Variants in HLA-E observed in about 807,000 individuals in gnomAD.
HLA-E encodes HLA class I histocompatibility antigen, alpha chain E.
Under a neutral mutation model 43.4 loss-of-function variants are expected in HLA-E, and 25 were observed. The observed-to-expected ratio is 0.58, with a 90% CI of 0.42 to 0.80. The LOEUF (loss-of-function observed/expected upper bound fraction) is 0.80. HLA-E is among the 30% of genes least tolerant of loss of function. HLA-E has a pLI of 0.00. For synonymous variants in HLA-E, 161 were observed against 197.6 expected (o/e 0.81, Z 1.55); for missense variants, 343 against 470.0 (o/e 0.73, Z 2.50).
At position 30,492,913 on chromosome 6, in the gene HLA-E, G is replaced by C. The variant is rs985628693; in HGVS notation, c.*167G>C. ...TGTCCCTGTTAGCACAATGTGAGGA[G>C]GTAGAGAAACAGTCCACCTCTGTGT... On this transcript the variant is annotated 3_prime_UTR_variant, in exon 8 of 8. Coordinates refer to ENST00000376630, the MANE Select transcript of HLA-E (RefSeq NM_005516.6). The surrounding 1 kb of genome is among the most constrained non-coding windows in gnomAD (Gnocchi z 4.5). 8.7e-6 allele frequency: 4 copies of C among 460,206 alleles called. No individual in the cohort carries two copies. The highest frequency in any genetic ancestry group is 6.1e-5 in the African/African-American group (3 of 49,490). 28.5% of individuals were successfully genotyped at this position (460,206 alleles called of 1,614,324 possible). A position where few individuals can be genotyped will look rare whatever the true frequency, so the allele number is the denominator to read the frequency against.
Position 30,492,488 on chromosome 6 carries a change from T to C in HLA-E, c.1036+52T>C, listed in dbSNP as rs184224162. 2.1e-5 allele frequency: 34 copies of C among 1,614,014 alleles called. No individual in the cohort carries two copies. The African/African-American group carries it at 3.9e-4, about 18-fold the overall frequency. On this transcript the variant is annotated intron_variant, in intron 6 of 7. Coordinates refer to ENST00000376630, the MANE Select transcript of HLA-E (RefSeq NM_005516.6). This position sits in a 1 kb window ranked among gnomAD's most constrained non-coding sequence, Gnocchi z 4.5. ...AGCTCGCCCACCCTATAATTCCTCC[T>C]GCACCACATCTCCTGTGGGCTCTGA...
rs1317282863 is a variant in HLA-E, at chr6:30,490,996, C to G, written c.611-141C>G. On this transcript the variant is annotated intron_variant, in intron 3 of 7. Coordinates refer to ENST00000376630, the MANE Select transcript of HLA-E (RefSeq NM_005516.6). The surrounding 1 kb of genome is among the most constrained non-coding windows in gnomAD (Gnocchi z 6.6). ...AGGAATAAGAGGCTATCCCAGATCC[C>G]TAAGTCCAGGCTGGTGTCAAGGTTT... The G allele has an allele frequency of 8.3e-7, 1 of 1,204,426 alleles. No homozygotes were observed. Among genetic ancestry groups the G allele is most frequent in the Non-Finnish European group, 1.2e-6 (1 of 850,220 alleles). 74.6% of individuals were successfully genotyped at this position (1,204,426 alleles called of 1,614,324 possible).
Position 30,492,443 on chromosome 6 carries a change from G to C in HLA-E, c.1036+7G>C. 6.2e-7 allele frequency: 1 copy of C among 1,614,116 alleles called. No homozygotes were observed. The highest frequency in any genetic ancestry group is 8.5e-7 in the Non-Finnish European group (1 of 1,179,992). On this transcript the variant is annotated splice_region_variant and intron_variant, in intron 6 of 7. Transcript: ENST00000376630. The surrounding 1 kb of genome is among the most constrained non-coding windows in gnomAD (Gnocchi z 4.5). ...AGCTACTCTAAGGCTGAGTGTAAGTGCGGGGCGGGAGCGTGGAGGAGCTCG... is the reference window on the plus strand; with the variant it reads ...AGCTACTCTAAGGCTGAGTGTAAGTCCGGGGCGGGAGCGTGGAGGAGCTCG...
chr6:30,491,458 G>T lies in HLA-E; in HGVS notation c.886+46G>T, dbSNP rs760357816. On this transcript the variant is annotated intron_variant, in intron 4 of 7. Transcript: ENST00000376630. The surrounding 1 kb of genome is among the most constrained non-coding windows in gnomAD (Gnocchi z 5.4). ...TCATGTCTCTTCTCAGGGAAAGCGG[G>T]AGCCCTTCTGGAGCCCTTCCGCAGG... The T allele has an allele frequency of 6.2e-7, 1 of 1,612,032 alleles. No homozygotes were observed. The highest frequency in any genetic ancestry group is 8.5e-7 in the Non-Finnish European group (1 of 1,178,630).
Position 30,490,254 on chromosome 6 carries a change from C to T in HLA-E, c.349C>T (p.Gln117Ter). Residue 117 changes from glutamine (Q) to a stop codon, truncating the protein, a stop_gained, in exon 3 of 8, where the codon CAG becomes TAG. Coordinates refer to ENST00000376630, the MANE Select transcript of HLA-E (RefSeq NM_005516.6). LOFTEE classifies it high-confidence loss of function. The surrounding 1 kb of genome is among the most constrained non-coding windows in gnomAD (Gnocchi z 6.6). ...NQSEAGSHTL[Q>*]WMHGCELGPD... ...GGCGGGGCCAGGGTCTCACACCCTG[C>T]AGTGGATGCATGGCTGCGAGCTGGG... The T allele has an allele frequency of 6.2e-7, 1 of 1,612,814 alleles. No homozygotes were observed. Among genetic ancestry groups the T allele is most frequent in the Non-Finnish European group, 8.5e-7 (1 of 1,179,912 alleles).
Position 30,490,531 on chromosome 6 carries a change from G to A in HLA-E, c.610+16G>A, listed in dbSNP as rs989265155. On this transcript the variant is annotated intron_variant, in intron 3 of 7. Coordinates refer to ENST00000376630, the MANE Select transcript of HLA-E (RefSeq NM_005516.6). The surrounding 1 kb of genome is among the most constrained non-coding windows in gnomAD (Gnocchi z 6.6). The stretch of plus-strand genomic sequence containing the variant: ...CTTCACCTGGGTAAGAGGGTCCACA[G>A]GGCTACTCTCCCATCTCCTTCTTGG... The A allele has an allele frequency of 2.1e-5, 34 of 1,607,940 alleles. No individual in the cohort carries two copies. The highest frequency in any genetic ancestry group is 2.8e-5 in the Non-Finnish European group (33 of 1,177,298).
At position 30,490,220 on chromosome 6, in the gene HLA-E, T is replaced by C. The variant is rs1409085906; in HGVS notation, c.335-20T>C. On this transcript the variant is annotated intron_variant, in intron 2 of 7. Coordinates refer to ENST00000376630, the MANE Select transcript of HLA-E (RefSeq NM_005516.6). The surrounding 1 kb of genome is among the most constrained non-coding windows in gnomAD (Gnocchi z 6.6). ...GGGGGCGGGGCTTGGTGGGCGGGAC[T>C]GACTAAGGGGCGGGGCCAGGGTCTC... is the stretch of plus-strand genomic sequence containing the variant. The C allele has an allele frequency of 6.2e-7, 1 of 1,606,770 alleles. No individual in the cohort carries two copies. Among genetic ancestry groups the C allele is most frequent in the Admixed American group, 1.7e-5 (1 of 59,794 alleles).
chr6:30,490,085 T>C lies in HLA-E; in HGVS notation c.334+90T>C, dbSNP rs1042098475. The C allele has an allele frequency of 1.3e-6, 2 of 1,510,226 alleles. No homozygotes were observed. Among genetic ancestry groups the C allele is most frequent in the African/African-American group, 2.8e-5 (2 of 72,456 alleles). The allele number at this position is 1,510,226 out of a possible 1,614,324, so 93.6% of individuals were successfully genotyped here. ...CCCCTCGAATCTTCGGGTCCCAGATTCACCCCAAGGCTGCGGAACCCGCCC... is the reference window on the plus strand; with the variant it reads ...CCCCTCGAATCTTCGGGTCCCAGATCCACCCCAAGGCTGCGGAACCCGCCC... On this transcript the variant is annotated intron_variant, in intron 2 of 7. Transcript: ENST00000376630. The surrounding 1 kb of genome is among the most constrained non-coding windows in gnomAD (Gnocchi z 6.6).
At position 30,489,972 on chromosome 6, in the gene HLA-E, G is replaced by T. The variant is rs769492173; in HGVS notation, c.311G>T (p.Gly104Val). The stretch of plus-strand genomic sequence containing the variant: ...CGAGTGAATCTGCGGACGCTGCGCG[G>T]CTACTACAATCAGAGCGAGGCCGGT... ...IFRVNLRTLRGYYNQSEAGSH... is the reference protein window; with the variant it reads ...IFRVNLRTLRVYYNQSEAGSH... The change falls in exon 2 of 8, where the codon GGC (glycine) becomes GTC (valine). Residue 104 changes from glycine to valine, a missense_variant. Gly to Val is a moderately radical substitution (Grantham distance 109). Transcript: ENST00000376630. This position sits in a 1 kb window ranked among gnomAD's most constrained non-coding sequence, Gnocchi z 5.6. The T allele has an allele frequency of 2.5e-6, 4 of 1,610,140 alleles. No individual in the cohort carries two copies. The African/African-American group carries it at 5.3e-5, about 22-fold the overall frequency.
Position 30,489,913 on chromosome 6 carries a change from G to A in HLA-E, c.252G>A (p.Glu84=). Residue 84 remains glutamate, a synonymous_variant, in exon 2 of 8, where the codon GAG becomes GAA. Coordinates refer to ENST00000376630, the MANE Select transcript of HLA-E (RefSeq NM_005516.6). The surrounding 1 kb of genome is among the most constrained non-coding windows in gnomAD (Gnocchi z 5.6). ...EQEGSEYWDR[E]TRSARDTAQI... is the part of the protein sequence containing the mutation. ...AGGGGTCAGAGTATTGGGACCGGGA[G>A]ACACGGAGCGCCAGGGACACCGCAC... The A allele has an allele frequency of 6.2e-7, 1 of 1,612,952 alleles. No homozygotes were observed. The highest frequency in any genetic ancestry group is 8.5e-7 in the Non-Finnish European group (1 of 1,179,970).
chr6:30,489,725 G>A lies in HLA-E; in HGVS notation c.65-1G>A. The A allele has an allele frequency of 6.2e-6, 10 of 1,612,450 alleles. No individual in the cohort carries two copies. Among genetic ancestry groups the A allele is most frequent in the Non-Finnish European group, 8.5e-6 (10 of 1,179,832 alleles). Reference sequence around the variant, plus strand: ...CGATCTCAGCCCCTCCTCGCCCCCAGGCTCCCACTCCTTGAAGTATTTCCA... The same window carrying A: ...CGATCTCAGCCCCTCCTCGCCCCCAAGCTCCCACTCCTTGAAGTATTTCCA... On this transcript the variant is annotated splice_acceptor_variant, in intron 1 of 7. Transcript: ENST00000376630. LOFTEE classifies it high-confidence loss of function. This position sits in a 1 kb window ranked among gnomAD's most constrained non-coding sequence, Gnocchi z 5.6.
rs1168002775 is a variant in HLA-E, at chr6:30,493,361, G to A, written c.*615G>A. ...ATTTAATTTTTCATATTCTTGCAAT[G>A]AAATGGACTTGAGGAAGCTAAGATC... On this transcript the variant is annotated 3_prime_UTR_variant, in exon 8 of 8. Transcript: ENST00000376630. The surrounding 1 kb of genome is among the most constrained non-coding windows in gnomAD (Gnocchi z 5.5). 6.6e-6 allele frequency: 1 copy of A among 152,210 alleles called. No individual in the cohort carries two copies. The highest frequency in any genetic ancestry group is 1.9e-4 in the East Asian group (1 of 5,204). 9.4% of individuals were successfully genotyped at this position (152,210 alleles called of 1,614,324 possible).
rs751601679 is a variant in HLA-E, at chr6:30,492,414, A to G, written c.1014A>G (p.Gly338=). The G allele has an allele frequency of 1.2e-6, 2 of 1,614,134 alleles. No individual in the cohort carries two copies. The highest frequency in any genetic ancestry group is 1.7e-6 in the Non-Finnish European group (2 of 1,180,000). ...ATTTTCTTCCAACAGGTGGAAAAGGAGGGAGCTACTCTAAGGCTGAGTGTA... is the reference window on the plus strand; with the variant it reads ...ATTTTCTTCCAACAGGTGGAAAAGGGGGGAGCTACTCTAAGGCTGAGTGTA... ...IWRKKSSGGK[G]GSYSKAEWSD... Residue 338 remains glycine (G), a synonymous_variant, in exon 6 of 8, where the codon GGA becomes GGG. Transcript: ENST00000376630. The surrounding 1 kb of genome is among the most constrained non-coding windows in gnomAD (Gnocchi z 4.5).
At position 30,491,440 on chromosome 6, in the gene HLA-E, T is replaced by G; in HGVS notation, c.886+28T>G. Reference sequence around the variant, plus strand: ...AAGGAGGGGGATGGGAGGTCATGTCTCTTCTCAGGGAAAGCGGGAGCCCTT... The same window carrying G: ...AAGGAGGGGGATGGGAGGTCATGTCGCTTCTCAGGGAAAGCGGGAGCCCTT... On this transcript the variant is annotated intron_variant, in intron 4 of 7. Coordinates refer to ENST00000376630, the MANE Select transcript of HLA-E (RefSeq NM_005516.6). The surrounding 1 kb of genome is among the most constrained non-coding windows in gnomAD (Gnocchi z 5.4). The G allele has an allele frequency of 1.9e-6, 3 of 1,613,350 alleles. No individual in the cohort carries two copies. The highest frequency in any genetic ancestry group is 1.3e-5 in the African/African-American group (1 of 75,044).
rs372831057 is a variant in HLA-E, at chr6:30,492,451, G to T, written c.1036+15G>T. Reference sequence around the variant, plus strand: ...TAAGGCTGAGTGTAAGTGCGGGGCGGGAGCGTGGAGGAGCTCGCCCACCCT... The same window carrying T: ...TAAGGCTGAGTGTAAGTGCGGGGCGTGAGCGTGGAGGAGCTCGCCCACCCT... On this transcript the variant is annotated intron_variant, in intron 6 of 7. Transcript: ENST00000376630. This position sits in a 1 kb window ranked among gnomAD's most constrained non-coding sequence, Gnocchi z 4.5. 3.7e-6 allele frequency: 6 copies of T among 1,613,904 alleles called. No homozygotes were observed. The highest frequency in any genetic ancestry group is 5.1e-6 in the Non-Finnish European group (6 of 1,179,928).
In HLA-E at chr6:30,492,382, A is replaced by G; in HGVS notation, c.1004-22A>G. 1.2e-6 allele frequency: 2 copies of G among 1,613,990 alleles called. No individual in the cohort carries two copies. The highest frequency in any genetic ancestry group is 1.7e-6 in the Non-Finnish European group (2 of 1,179,938). On this transcript the variant is annotated intron_variant, in intron 5 of 7. Coordinates refer to ENST00000376630, the MANE Select transcript of HLA-E (RefSeq NM_005516.6). The surrounding 1 kb of genome is among the most constrained non-coding windows in gnomAD (Gnocchi z 4.5). ...GGCCCTGCCTCCTCCCTGGCCCCTC[A>G]CAGGACATTTTCTTCCAACAGGTGG...
Position 30,491,292 on chromosome 6 carries a change from C to A in HLA-E, c.766C>A (p.Pro256Thr). 6.2e-7 allele frequency: 1 copy of A among 1,614,196 alleles called. No homozygotes were observed. The highest frequency in any genetic ancestry group is 8.5e-7 in the Non-Finnish European group (1 of 1,180,046). The change falls in exon 4 of 8, where the codon CCT becomes ACT. Residue 256 changes from proline to threonine, a missense_variant. Pro to Thr is a conservative substitution (Grantham distance 38). Transcript: ENST00000376630. This position sits in a 1 kb window ranked among gnomAD's most constrained non-coding sequence, Gnocchi z 5.4. ...GGACACGGAGCTCGTGGAGACCAGG[C>A]CTGCAGGGGATGGAACCTTCCAGAA... ...TQDTELVETR[P>T]AGDGTFQKWA...
rs767013957 is a variant in HLA-E, at chr6:30,491,448, G to C, written c.886+36G>C. ...GGATGGGAGGTCATGTCTCTTCTCA[G>C]GGAAAGCGGGAGCCCTTCTGGAGCC... On this transcript the variant is annotated intron_variant, in intron 4 of 7. Coordinates refer to ENST00000376630, the MANE Select transcript of HLA-E (RefSeq NM_005516.6). The surrounding 1 kb of genome is among the most constrained non-coding windows in gnomAD (Gnocchi z 5.4). 4.3e-6 allele frequency: 7 copies of C among 1,612,666 alleles called. No individual in the cohort carries two copies. The African/African-American group carries it at 9.3e-5, about 22-fold the overall frequency.
Position 30,492,440 on chromosome 6 carries a change from A to C in HLA-E, c.1036+4A>C. The C allele has an allele frequency of 1.9e-6, 3 of 1,614,154 alleles. No homozygotes were observed. The highest frequency in any genetic ancestry group is 2.5e-6 in the Non-Finnish European group (3 of 1,179,996). On this transcript the variant is annotated splice_donor_region_variant and intron_variant, in intron 6 of 7. Coordinates refer to ENST00000376630, the MANE Select transcript of HLA-E (RefSeq NM_005516.6). The surrounding 1 kb of genome is among the most constrained non-coding windows in gnomAD (Gnocchi z 4.5). Reference sequence around the variant, plus strand: ...GGGAGCTACTCTAAGGCTGAGTGTAAGTGCGGGGCGGGAGCGTGGAGGAGC... The same window carrying C: ...GGGAGCTACTCTAAGGCTGAGTGTACGTGCGGGGCGGGAGCGTGGAGGAGC...
Sources: allele counts gnomAD v4.1 joint callset, GRCh38; gene constraint gnomAD v4.1.1; non-coding constraint Gnocchi (gnomAD v3.1); transcripts MANE v1.5; gene names NCBI Gene and HGNC (gene_info 2026-07-23, HGNC 2026-07-21).